PHKA2: variants seen among roughly 807,000 people sequenced by gnomAD.
The protein encoded by PHKA2 is phosphorylase b kinase regulatory subunit alpha, liver isoform.
In PHKA2, 31 loss-of-function variants were observed where a neutral mutation model predicts 102.0. The observed-to-expected ratio is 0.30, with a 90% CI of 0.23 to 0.41. PHKA2 has a LOEUF of 0.41. Among genes scored for constraint, PHKA2 ranks in the 10% least tolerant of loss-of-function variants. The probability of loss-of-function intolerance (pLI) is 1.00; values close to 1 mark genes in which losing one functional copy is unlikely to be tolerated. For missense variants in PHKA2, 858 were observed against 1,023.1 expected (o/e 0.84, Z 2.20); for synonymous variants, 455 against 416.2 (o/e 1.09, Z -1.13).
Position 18,897,827 on chromosome X carries a change from G to A in PHKA2, c.3112-494C>T, listed in dbSNP as rs781212746. The stretch of plus-strand genomic sequence containing the variant: ...CACAGAAGCCCCTGAGGCATACCTA[G>A]TGTGCGCTAAGTGCCCATGAGGGGC... On this transcript the variant is annotated intron_variant, in intron 29 of 32. Transcript: ENST00000379942. 57 of 125,433 alleles carry A rather than the reference G, an allele frequency of 4.5e-4. No individual in the cohort carries two copies. In the South Asian group the frequency reaches 0.015, roughly 33 times the overall value. 10.3% of individuals were successfully genotyped at this position (125,433 alleles called of 1,213,427 possible).
chrX:18,893,407 T>C lies in PHKA2; in HGVS notation c.*78A>G. 1 of 1,012,660 alleles carries C rather than the reference T, an allele frequency of 9.9e-7. No individual in the cohort carries two copies. The highest frequency in any genetic ancestry group is 1.4e-6 in the Non-Finnish European group (1 of 715,613). The allele number at this position is 1,012,660 out of a possible 1,213,427, so 83.5% of individuals were successfully genotyped here. On this transcript the variant is annotated 3_prime_UTR_variant, in exon 33 of 33. Transcript: ENST00000379942. ...TGCTTTCCTGATAGCACAGGGGATC[T>C]TGGGGGACAGAAGGTTCCCAGTAAG...
intron 1 of PHKA2, among the ~76,000 whole-genome samples, chrX:18,962,902 G>A (rs1432125256): frequency 1.8e-5 from 2 of 111,995 alleles, no homozygotes; most frequent in Non-Finnish European, 3.8e-5. Context: ...AGCCAGAGGA[G>A]GGTGATTAGG....
chrX:18,961,116 T>C (rs1204666568), intron 1 of PHKA2, among the ~76,000 whole-genome samples: 1 of 112,161 alleles, frequency 8.9e-6, no homozygotes, highest in Non-Finnish European at 1.9e-5. Context: ...TCTGGCACAA[T>C]CTGAAACATG....
Position 18,948,382 on chromosome X carries a change from G to A in PHKA2, c.537+362C>T, listed in dbSNP as rs111281958. ...CCAGCTAATCAGGAGGCTGAGACAG[G>A]AGAATCACTGGAACCTGGGAGGCAG... is the stretch of plus-strand genomic sequence containing the variant. On this transcript the variant is annotated intron_variant, in intron 5 of 32. Transcript: ENST00000379942. Among the ~76,000 whole-genome samples the A allele has an allele frequency of 4.7e-3, 529 of 111,577 alleles. 6 individuals carry two copies. Among genetic ancestry groups the A allele is most frequent in the African/African-American group, 0.016 (494 of 30,665 alleles).
In PHKA2 at chrX:18,920,028, G is replaced by A. The variant is rs1481241022; in HGVS notation, c.1963+4C>T. On this transcript the variant is annotated splice_donor_region_variant and intron_variant, in intron 18 of 32. Coordinates refer to ENST00000379942, the MANE Select transcript of PHKA2 (RefSeq NM_000292.3). ...ACTACCCACAAAAGCATTCCAAGCT[G>A]TACCTTGATTACAGGTGTCTTCCAG... is the stretch of plus-strand genomic sequence containing the variant. The A allele has an allele frequency of 8.4e-7, 1 of 1,193,904 alleles. No individual in the cohort carries two copies. The highest frequency in any genetic ancestry group is 2.2e-5 in the Admixed American group (1 of 46,022).
intron 31 of PHKA2, chrX:18,894,813 C>T (rs1229457461): frequency 2.0e-5 from 8 of 395,283 alleles, no homozygotes; most frequent in East Asian, 4.2e-5. Flanking sequence ...AGAAAAGGGC[C>T]GAGAAGGCTG....
intron 1 of PHKA2, among the ~76,000 whole-genome samples, chrX:18,978,885 A>T (rs2148047285): frequency 9.0e-6 from 1 of 110,849 alleles, no homozygotes; most frequent in African/African-American, 3.3e-5. Context: ...CACACCTGTA[A>T]TCCCAGCACT....
chrX:18,949,764 G>C (rs2048647020), intron 4 of PHKA2, among the ~76,000 whole-genome samples: 1 of 112,295 alleles, frequency 8.9e-6, no homozygotes, highest in South Asian at 3.7e-4. Flanking sequence ...AATGAAAGTT[G>C]GCAGTGGAAT....
At chrX:18,921,645 C>T (rs2048125166) in intron 17 of PHKA2, among the ~76,000 whole-genome samples, 1 of 111,665 alleles carries the variant, frequency 9.0e-6, no homozygotes, top group South Asian at 3.7e-4. Context: ...CCTAGGCATT[C>T]CAGTCTCTTC....
intron 7 of PHKA2, among the ~76,000 whole-genome samples, chrX:18,942,897 C>G (rs1016872660): frequency 1.8e-5 from 2 of 108,388 alleles, no homozygotes; most frequent in African/African-American, 6.7e-5. Context: ...CCGGGACTAC[C>G]TAAAGGGGAA....
chrX:18,896,921 GGGGGT>G (rs1257304981), intron 30 of PHKA2, among the ~76,000 whole-genome samples: 1 of 111,799 alleles, frequency 8.9e-6, no homozygotes, highest in Non-Finnish European at 1.9e-5. Flanking sequence ...GTTGTCACAC[GGGGGT>G]GGGGTGGGGA....
intron 13 of PHKA2, 110 bp downstream of exon 13, chrX:18,929,118 T>C (rs765778966): frequency 8.2e-5 from 45 of 547,085 alleles, no homozygotes; most frequent in East Asian, 6.2e-4. Context: ...TGCTAAAGCA[T>C]AGGCACATAC....
rs1312736500 is a variant in PHKA2 at position 18,929,297 on chromosome X, C to T, written c.1255G>A (p.Ala419Thr). Residue 419 changes from alanine to threonine, a missense_variant, in exon 13 of 33, where the codon GCC becomes ACC. This residue lies in a region of PHKA2 where 671 missense variants were observed against 745.2 expected (regional missense o/e 0.90). Transcript: ENST00000379942. ...LSSLLAEGFL[A>T]AGEIDPLNRR... is the part of the protein sequence containing the mutation. ...TTTAAGGGATCGATTTCACCAGCGG[C>T]AAGGAATCCCTATGAAAAGAGGAGC... The T allele has an allele frequency of 8.7e-7, 1 of 1,152,745 alleles. No individual in the cohort carries two copies. Among genetic ancestry groups the T allele is most frequent in the Non-Finnish European group, 1.2e-6 (1 of 853,959 alleles). The allele number at this position is 1,152,745 out of a possible 1,213,427, so 95.0% of individuals were successfully genotyped here. A position where few individuals can be genotyped will look rare whatever the true frequency, so the allele number is the denominator to read the frequency against.
chrX:18,954,627 G>A (rs1001508798), intron 1 of PHKA2, among the ~76,000 whole-genome samples: 5 of 112,689 alleles, frequency 4.4e-5, no homozygotes, highest in Non-Finnish European at 9.4e-5. Context: ...GAGGATATGT[G>A]ACTAGAAAAT....
At chrX:18,903,674 G>A (rs2047744011) in intron 26 of PHKA2, among the ~76,000 whole-genome samples, 1 of 112,189 alleles carries the variant, frequency 8.9e-6, no homozygotes, top group Non-Finnish European at 1.9e-5. Flanking sequence ...GGGGCTGGAG[G>A]TGGAGGCAAC....
chrX:18,929,670 G>T (rs1429354112), intron 12 of PHKA2, among the ~76,000 whole-genome samples: 2 of 111,356 alleles, frequency 1.8e-5, no homozygotes, highest in East Asian at 5.6e-4. Context: ...TACTTTTGGG[G>T]CTCAGAAAAC....
In PHKA2 at chrX:18,910,862, T is replaced by C; in HGVS notation, c.2226+10A>G. ...CATACTTTTAAAAAAAGCTGTTCCA[T>C]ATACTTTACCTTTTCTAGGAGTGGC... is the stretch of plus-strand genomic sequence containing the variant. On this transcript the variant is annotated intron_variant, in intron 20 of 32. Transcript: ENST00000379942. 3 of 1,110,923 alleles carry C rather than the reference T, an allele frequency of 2.7e-6. No homozygotes were observed. The highest frequency in any genetic ancestry group is 3.7e-6 in the Non-Finnish European group (3 of 808,168). 91.6% of individuals were successfully genotyped at this position (1,110,923 alleles called of 1,213,427 possible).
intron 1 of PHKA2, among the ~76,000 whole-genome samples, chrX:18,957,966 TCTC>T (rs750837473): frequency 2.6e-4 from 28 of 109,441 alleles, no homozygotes; most frequent in Middle Eastern, 4.6e-3. Context: ...TTCAAGCAAT[TCTC>T]CTGCCTCAGC....
At chrX:18,966,984 G>A (rs973795296) in intron 1 of PHKA2, among the ~76,000 whole-genome samples, 1 of 111,518 alleles carries the variant, frequency 9.0e-6, no homozygotes, top group African/African-American at 3.3e-5. Flanking sequence ...AGAGGCAGCA[G>A]GTGGGCTTGA....
Sources: allele counts gnomAD v4.1 joint callset (sites outside exome capture counted in the v4.1 genomes callset), GRCh38; gene constraint gnomAD v4.1.1; regional missense constraint gnomAD v4.1.1; transcripts MANE v1.5; gene names NCBI Gene and HGNC (gene_info 2026-07-23, HGNC 2026-07-21).